Variants in MAPK10 observed in about 807,000 individuals in gnomAD.
MAPK10 encodes the protein JNK3 alpha protein kinase.
MAPK10 carries 25 observed loss-of-function variants against 59.3 expected under a neutral mutation model. The observed-to-expected ratio is 0.42, with a 90% CI of 0.31 to 0.59. The LOEUF is 0.59. Ranked by LOEUF, MAPK10 falls within the 20% of genes least tolerant of loss-of-function variation. The pLI, the probability that MAPK10 is intolerant of heterozygous loss-of-function variation, is 0.15. For missense variants in MAPK10, 351 were observed against 568.9 expected, an observed-to-expected ratio of 0.62 and a Z score of 3.90; for synonymous variants, 190 against 200.5, an observed-to-expected ratio of 0.95 and a Z score of 0.44.
At chr4:86,275,583 T>A (rs976392146) in intron 2 of MAPK10, among the ~76,000 whole-genome samples, 1 of 152,146 alleles carries the variant, frequency 6.6e-6, no homozygotes, top group African/African-American at 2.4e-5. Flanking sequence ...TAAAGTCAAA[T>A]ATGATTTTAT....
At chr4:86,540,724 G>A (rs577364052) in intron 1 of MAPK10, among the ~76,000 whole-genome samples, 1 of 151,992 alleles carries the variant, frequency 6.6e-6, no homozygotes, top group Non-Finnish European at 1.5e-5. Context: ...TGGAGAAAGA[G>A]GGAAAAAAGA....
chr4:86,184,088 G>A (rs1476493603), intron 3 of MAPK10, among the ~76,000 whole-genome samples: 2 of 152,096 alleles, frequency 1.3e-5, no homozygotes, highest in Non-Finnish European at 2.9e-5. Context: ...CATTCTGTAG[G>A]TTGCCTGTTC....
intron 1 of MAPK10, among the ~76,000 whole-genome samples, chr4:86,475,653 G>T (rs984934073): frequency 6.6e-6 from 1 of 152,106 alleles, no homozygotes; most frequent in African/African-American, 2.4e-5. Context: ...ACATGGGGAC[G>T]CCTGCCTTGG....
At position 86,451,271 on chromosome 4, in the gene MAPK10, C is replaced by T. The variant is rs180844831; in HGVS notation, c.-122+1759G>A. 1.4e-3 allele frequency among the ~76,000 whole-genome samples: 209 copies of T among 152,226 alleles called. 1 individual carries two copies. The highest frequency in any genetic ancestry group is 2.4e-3 in the Non-Finnish European group (166 of 68,016). ...TATGTCCTACACTGTTATCCCCAAA[C>T]CTTCCAGAAACCCAGTATACGAACA... On this transcript the variant is annotated intron_variant, in intron 1 of 13. Coordinates refer to the MAPK10 transcript ENST00000361569.
upstream of MAPK10, among the ~76,000 whole-genome samples, chr4:86,364,781 G>A (rs1452429351): frequency 6.6e-6 from 1 of 152,012 alleles, no homozygotes; most frequent in Non-Finnish European, 1.5e-5. Flanking sequence ...AGGATTTCCA[G>A]ACCAGCTGTC....
At chr4:86,358,058 A>C in intron 1 of MAPK10, 11 of 984,746 alleles carry the variant, frequency 1.1e-5, no homozygotes, top group Non-Finnish European at 1.3e-5. Flanking sequence ...GAGTGTGATC[A>C]AGGTAGAGAA....
intron 2 of MAPK10, among the ~76,000 whole-genome samples, chr4:86,227,837 T>C (rs995528234): frequency 1.3e-5 from 2 of 152,230 alleles, no homozygotes; most frequent in African/African-American, 2.4e-5. Context: ...GAATTACTTA[T>C]GATGTCTGTT....
chr4:86,074,722 C>A (rs987711754), intron 9 of MAPK10, among the ~76,000 whole-genome samples: 1 of 142,108 alleles, frequency 7.0e-6, no homozygotes, highest in East Asian at 2.0e-4. Flanking sequence ...AATATTAGCC[C>A]CCACTCTCTT....
rs556210040 is a variant in MAPK10, at chr4:86,407,350, A to G, written c.-122+45680T>C. ...GCAGAGGAAATACAATCAAGAGAAC[A>G]TATGGAGGGTTCAGTCTCGAATGGA... On this transcript the variant is annotated intron_variant, in intron 1 of 13. Coordinates refer to the MAPK10 transcript ENST00000361569. Among the ~76,000 whole-genome samples, 63 of 152,180 alleles carry G rather than the reference A, an allele frequency of 4.1e-4. 1 individual carries two copies. Among genetic ancestry groups the G allele is most frequent in the Non-Finnish European group, 1.0e-4 (7 of 68,034 alleles).
At chr4:86,429,405 T>A (rs1377717150) in intron 1 of MAPK10, among the ~76,000 whole-genome samples, 1 of 152,106 alleles carries the variant, frequency 6.6e-6, no homozygotes, top group African/African-American at 2.4e-5. Context: ...CTAATATTAT[T>A]AAAAAAGATT....
At chr4:86,527,270 C>T (rs1429385433) in intron 1 of MAPK10, among the ~76,000 whole-genome samples, 1 of 142,144 alleles carries the variant, frequency 7.0e-6, no homozygotes, top group Non-Finnish European at 1.5e-5. Flanking sequence ...TGTAATCGTC[C>T]CACTGTACTC....
intron 1 of MAPK10, among the ~76,000 whole-genome samples, chr4:86,480,318 ACC>A (rs201555001): frequency 1.3e-5 from 2 of 148,478 alleles, no homozygotes; most frequent in African/African-American, 5.0e-5. Flanking sequence ...GCACCCTGTG[ACC>A]CCCCCACTCC....
chr4:86,394,882 A>G (rs976488500), intron 1 of MAPK10, among the ~76,000 whole-genome samples: 44 of 152,182 alleles, frequency 2.9e-4, no homozygotes, highest in African/African-American at 8.7e-4. Context: ...TGACAGCCAA[A>G]GGTTCTGGGC....
intron 1 of MAPK10, among the ~76,000 whole-genome samples, chr4:86,578,558 A>C (rs928750962): frequency 6.6e-6 from 1 of 152,242 alleles, no homozygotes; most frequent in Non-Finnish European, 1.5e-5. Context: ...GTTGTTTTTC[A>C]CTGTTCTCTT....
At chr4:86,148,141 A>G (rs2149200408) in intron 4 of MAPK10, among the ~76,000 whole-genome samples, 1 of 152,374 alleles carries the variant, frequency 6.6e-6, no homozygotes, top group East Asian at 1.9e-4. Context: ...AGCAATAAAA[A>G]TATAAAGAGT....
intron 1 of MAPK10, among the ~76,000 whole-genome samples, chr4:86,449,031 C>T (rs1055562845): frequency 2.0e-5 from 3 of 149,258 alleles, no homozygotes; most frequent in Admixed American, 6.7e-5. Flanking sequence ...AGAGCTCAGG[C>T]GGTAATGCAA....
intron 7 of MAPK10, 22 bp downstream of exon 7, chr4:86,101,872 A>C: frequency 6.2e-7 from 1 of 1,612,874 alleles, no homozygotes; most frequent in Non-Finnish European, 8.5e-7. Context: ...TTGAATTGTA[A>C]TCCTAGAGAA....
intron 2 of MAPK10, among the ~76,000 whole-genome samples, chr4:86,239,669 G>C (rs931952050): frequency 6.6e-6 from 1 of 151,664 alleles, no homozygotes. Context: ...TTGATAGTTT[G>C]TATTTCTGTG....
chr4:86,245,599 G>A (rs186846367), intron 2 of MAPK10, among the ~76,000 whole-genome samples: 17 of 152,204 alleles, frequency 1.1e-4, no homozygotes, highest in East Asian at 9.7e-4. Flanking sequence ...CCCACAAAGC[G>A]GTGGGATTTT....
Sources: gnomAD v4.1 joint callset for allele counts (sites outside exome capture counted in the v4.1 genomes callset) on GRCh38, gnomAD v4.1.1 for gene constraint, MANE v1.5 for transcripts, NCBI Gene and HGNC (gene_info 2026-07-23, HGNC 2026-07-21) for gene names.